Variants in CDKAL1 observed in about 807,000 individuals in gnomAD.
CDKAL1 encodes CDKAL1 threonylcarbamoyladenosine tRNA methylthiotransferase.
In CDKAL1, 32 loss-of-function variants were observed where a neutral mutation model predicts 68.2. That is an observed-to-expected ratio of 0.47 (90% CI 0.35 to 0.63). CDKAL1 has a LOEUF of 0.63. Among genes scored for constraint, CDKAL1 ranks in the 30% least tolerant of loss-of-function variants. The pLI, the probability that CDKAL1 is intolerant of heterozygous loss-of-function variation, is 0.00. For missense variants in CDKAL1, 606 were observed against 696.7 expected, an observed-to-expected ratio of 0.87 and a Z score of 1.47; for synonymous variants, 234 against 244.3, an observed-to-expected ratio of 0.96 and a Z score of 0.39.
chr6:20,575,441 CAAAA>C (rs57442477), intron 4 of CDKAL1, among the ~76,000 whole-genome samples: 63 of 94,318 alleles, frequency 6.7e-4, no homozygotes, highest in African/African-American at 2.3e-3. Context: ...AGGGGCACCA[CAAAA>C]AAAAAAAAAA....
chr6:20,965,820 C>T (rs544364306), intron 10 of CDKAL1, among the ~76,000 whole-genome samples: 72 of 152,190 alleles, frequency 4.7e-4, no homozygotes, highest in Non-Finnish European at 1.0e-3. Context: ...GCTTTATCTT[C>T]CTCATTAATT....
Position 21,000,305 on chromosome 6 carries a change from C to T in CDKAL1, c.988C>T (p.Leu330Phe). ...IPVQSASDSVLMEMKREYCVA... is the reference protein window; with the variant it reads ...IPVQSASDSVFMEMKREYCVA... Reference sequence around the variant, plus strand: ...AGTCCAGTCTGCCTCCGACAGCGTACTCATGGAAATGAAAAGAGAATACTG... The same window carrying T: ...AGTCCAGTCTGCCTCCGACAGCGTATTCATGGAAATGAAAAGAGAATACTG... The change falls in exon 11 of 16, where the codon CTC becomes TTC. Residue 330 changes from leucine to phenylalanine, a missense_variant. Transcript: ENST00000274695. 1.2e-6 allele frequency: 2 copies of T among 1,613,668 alleles called. No homozygotes were observed. The highest frequency in any genetic ancestry group is 2.2e-5 in the East Asian group (1 of 44,872).
intron 9 of CDKAL1, among the ~76,000 whole-genome samples, chr6:20,870,348 T>A (rs1760144544): frequency 2.0e-5 from 3 of 152,188 alleles, no homozygotes; most frequent in Non-Finnish European, 2.9e-5. Context: ...CTAACTTTTT[T>A]CCCCATTTAC....
chr6:20,951,092 C>T (rs747932582), intron 9 of CDKAL1, among the ~76,000 whole-genome samples: 4 of 152,150 alleles, frequency 2.6e-5, no homozygotes, highest in Non-Finnish European at 5.9e-5. Flanking sequence ...GTAGGTTTCC[C>T]TGCCATCCAG....
chr6:21,021,656 G>C (rs2150861904), intron 11 of CDKAL1, among the ~76,000 whole-genome samples: 1 of 152,270 alleles, frequency 6.6e-6, no homozygotes, highest in East Asian at 1.9e-4. Flanking sequence ...ATCAACTAAT[G>C]TCTCTAAGAA....
At chr6:20,900,347 A>G (rs1032727752) in intron 9 of CDKAL1, among the ~76,000 whole-genome samples, 3 of 152,254 alleles carry the variant, frequency 2.0e-5, no homozygotes, top group African/African-American at 7.2e-5. Flanking sequence ...TTTAAAAGAT[A>G]GTCTTCCAAC....
intron 10 of CDKAL1, among the ~76,000 whole-genome samples, chr6:20,978,257 A>G (rs1195305750): frequency 2.0e-5 from 3 of 152,174 alleles, no homozygotes; most frequent in Admixed American, 2.0e-4. Context: ...TGATTCAACC[A>G]ATGAGTAGCT....
intron 4 of CDKAL1, among the ~76,000 whole-genome samples, chr6:20,601,128 G>A: frequency 6.6e-6 from 1 of 152,096 alleles, no homozygotes; most frequent in East Asian, 1.9e-4. Flanking sequence ...ACTTAGGTCA[G>A]ATTACTGAGA....
At chr6:21,169,984 T>C (rs1777315362) in intron 13 of CDKAL1, among the ~76,000 whole-genome samples, 1 of 142,108 alleles carries the variant, frequency 7.0e-6, no homozygotes, top group Non-Finnish European at 1.5e-5. Flanking sequence ...ATGGGAATTA[T>C]GGGAGCTACA....
At chr6:21,111,635 G>A (rs889243965) in intron 13 of CDKAL1, among the ~76,000 whole-genome samples, 4 of 152,186 alleles carry the variant, frequency 2.6e-5, no homozygotes, top group African/African-American at 9.6e-5. Context: ...TCTCTTAAAT[G>A]CTGTTGCAAA....
At chr6:21,228,023 C>T (rs1779817886) in intron 15 of CDKAL1, among the ~76,000 whole-genome samples, 3 of 152,148 alleles carry the variant, frequency 2.0e-5, no homozygotes, top group African/African-American at 7.2e-5. Context: ...CCTAGTCCTT[C>T]CCCAGGTCAG....
intron 13 of CDKAL1, among the ~76,000 whole-genome samples, chr6:21,140,682 T>C (rs1223443682): frequency 6.6e-6 from 1 of 152,126 alleles, no homozygotes; most frequent in Non-Finnish European, 1.5e-5. Context: ...CACAGCACAG[T>C]CTGTCACAGC....
At chr6:20,710,427 A>G (rs1771794813) in intron 5 of CDKAL1, among the ~76,000 whole-genome samples, 1 of 152,106 alleles carries the variant, frequency 6.6e-6, no homozygotes, top group African/African-American at 2.4e-5. Context: ...GCTACACTAT[A>G]TAGTCTAGGT....
chr6:21,121,225 G>C (rs957328825), intron 13 of CDKAL1, among the ~76,000 whole-genome samples: 6 of 152,052 alleles, frequency 3.9e-5, no homozygotes, highest in Non-Finnish European at 8.8e-5. Context: ...ATTAGAAATA[G>C]CCACAAAAAC....
At chr6:20,712,992 C>T (rs1416450938) in intron 5 of CDKAL1, among the ~76,000 whole-genome samples, 1 of 149,780 alleles carries the variant, frequency 6.7e-6, no homozygotes, top group Non-Finnish European at 1.5e-5. Flanking sequence ...CTCTTTTAAT[C>T]TTTGTAAGAT....
intron 8 of CDKAL1, among the ~76,000 whole-genome samples, chr6:20,831,018 TA>T (rs1363895439): frequency 2.0e-5 from 3 of 152,118 alleles, no homozygotes; most frequent in Non-Finnish European, 4.4e-5. Context: ...CTGCATAATC[TA>T]TTTTATATAG....
intron 13 of CDKAL1, among the ~76,000 whole-genome samples, chr6:21,175,228 G>A (rs1777533128): frequency 6.6e-6 from 1 of 152,156 alleles, no homozygotes; most frequent in African/African-American, 2.4e-5. Flanking sequence ...AGATACTTAG[G>A]TATGGCAATA....
intron 10 of CDKAL1, among the ~76,000 whole-genome samples, chr6:20,987,215 C>A (rs4560627): frequency 0.09 from 13,527 of 150,876 alleles, 987 homozygotes; most frequent in African/African-American, 0.21. Context: ...CTGTGTCCAC[C>A]ATTTTTATTT....
intron 5 of CDKAL1, among the ~76,000 whole-genome samples, chr6:20,677,522 G>A (rs1770173836): frequency 1.3e-5 from 2 of 152,052 alleles, no homozygotes; most frequent in African/African-American, 2.4e-5. Context: ...AGGTTCAAGC[G>A]ATTCTCCTGC....
Sources: allele counts gnomAD v4.1 joint callset (sites outside exome capture counted in the v4.1 genomes callset), GRCh38; gene constraint gnomAD v4.1.1; transcripts MANE v1.5; gene names NCBI Gene and HGNC (gene_info 2026-07-23, HGNC 2026-07-21).